OPHN1: variants seen among roughly 807,000 people sequenced by gnomAD.
The protein encoded by OPHN1 is oligophrenin 1.
OPHN1 carries 11 observed loss-of-function variants against 60.7 expected under a neutral mutation model. The ratio of observed to expected loss-of-function variants is 0.18; its 90% CI spans 0.11 to 0.30. OPHN1 has a LOEUF of 0.30. OPHN1 is among the 10% of genes least tolerant of loss of function. The probability of loss-of-function intolerance (pLI) is 1.00; values close to 1 mark genes in which losing one functional copy is unlikely to be tolerated. For synonymous variants in OPHN1, 226 were observed against 222.6 expected (o/e 1.02, Z -0.14); for missense variants, 449 against 611.0 (o/e 0.73, Z 2.80).
At chrX:68,147,823 A>G (rs901124941) in intron 15 of OPHN1, among the ~76,000 whole-genome samples, 1 of 111,737 alleles carries the variant, frequency 8.9e-6, no homozygotes, top group Non-Finnish European at 1.9e-5. Flanking sequence ...TTTAACATCA[A>G]TTTGATTAAG....
chrX:68,229,178 G>T (rs1474162537), intron 6 of OPHN1, among the ~76,000 whole-genome samples: 7 of 111,172 alleles, frequency 6.3e-5, no homozygotes, highest in East Asian at 2.8e-4. Context: ...TCAAAGAGAA[G>T]AAAATACCTA....
At chrX:68,161,091 A>G (rs940654351) in intron 15 of OPHN1, among the ~76,000 whole-genome samples, 1 of 111,072 alleles carries the variant, frequency 9.0e-6, no homozygotes, top group African/African-American at 3.3e-5. Flanking sequence ...CTTACAGAAG[A>G]TCAAAAAGAT....
intron 15 of OPHN1, among the ~76,000 whole-genome samples, chrX:68,168,835 C>T (rs1172714768): frequency 9.0e-6 from 1 of 110,967 alleles, no homozygotes; most frequent in African/African-American, 3.3e-5. Flanking sequence ...ACCACCAATC[C>T]CACAGAAATA....
At chrX:68,180,961 T>C (rs979104071) in intron 15 of OPHN1, among the ~76,000 whole-genome samples, 1 of 111,183 alleles carries the variant, frequency 9.0e-6, no homozygotes, top group Non-Finnish European at 1.9e-5. Flanking sequence ...GAAAAAAATA[T>C]ATCACAAACT....
chrX:68,279,956 A>G lies in OPHN1; in HGVS notation c.312+3100T>C, dbSNP rs887608423. On this transcript the variant is annotated intron_variant, in intron 4 of 24. Transcript: ENST00000355520. ...ATTGGGTAAATAAAAGAGATGGAGA[A>G]ACAACTAGGGCTAAAGAGAAGTACA... Among the ~76,000 whole-genome samples the G allele has an allele frequency of 2.7e-5, 3 of 111,999 alleles. No homozygotes were observed. The South Asian group carries it at 1.1e-3, about 42-fold the overall frequency.
intron 2 of OPHN1, among the ~76,000 whole-genome samples, chrX:68,382,110 G>A (rs1003889939): frequency 6.3e-5 from 7 of 111,502 alleles, no homozygotes; most frequent in Admixed American, 2.9e-4. Context: ...CATTTTGGGA[G>A]GCCAAGGCAG....
At chrX:68,424,642 G>C (rs1457853088) in intron 2 of OPHN1, among the ~76,000 whole-genome samples, 1 of 111,881 alleles carries the variant, frequency 8.9e-6, no homozygotes, top group African/African-American at 3.2e-5. Flanking sequence ...CTATAAAAAT[G>C]AGGCTGAAAG....
intron 5 of OPHN1, among the ~76,000 whole-genome samples, chrX:68,265,859 G>C (rs2077922206): frequency 9.0e-6 from 1 of 111,578 alleles, no homozygotes; most frequent in African/African-American, 3.3e-5. Context: ...GAAAGTCAAG[G>C]CACAAGAACT....
chrX:68,194,836 C>T (rs755874612), intron 12 of OPHN1, among the ~76,000 whole-genome samples: 4 of 109,289 alleles, frequency 3.7e-5, no homozygotes, highest in East Asian at 2.9e-4. Context: ...GGCATGGTGG[C>T]GTGCACCTGT....
intron 2 of OPHN1, among the ~76,000 whole-genome samples, chrX:68,424,099 G>A (rs779605510): frequency 5.6e-4 from 62 of 110,409 alleles, no homozygotes; most frequent in South Asian, 3.1e-3. Context: ...CCCAGGAGGC[G>A]GAGGTTGCAG....
chrX:68,308,779 A>G (rs978124233), intron 2 of OPHN1, among the ~76,000 whole-genome samples: 5 of 109,616 alleles, frequency 4.6e-5, no homozygotes, highest in Admixed American at 3.9e-4. Flanking sequence ...TGGTTCTCGC[A>G]CTTGTTTTTT....
intron 19 of OPHN1, among the ~76,000 whole-genome samples, chrX:68,083,630 C>T (rs1221388998): frequency 2.7e-5 from 3 of 112,491 alleles, no homozygotes; most frequent in Non-Finnish European, 5.6e-5. Flanking sequence ...TACAACTTGG[C>T]TAACTGTTTG....
At chrX:68,264,500 GA>G (rs1458976268) in intron 5 of OPHN1, among the ~76,000 whole-genome samples, 2 of 112,210 alleles carry the variant, frequency 1.8e-5, no homozygotes, top group African/African-American at 6.5e-5. Context: ...AAAGACACAT[GA>G]AAAAATGCTC....
rs1164737617 is a variant in OPHN1 at position 68,042,935 on chromosome X, G to A, written c.*4237C>T. The A allele has an allele frequency of 4.7e-4, 5 of 10,639 alleles. No homozygotes were observed. The highest frequency in any genetic ancestry group is 2.2e-3 in the African/African-American group (5 of 2,274). 0.9% of individuals were successfully genotyped at this position (10,639 alleles called of 1,213,427 possible). A position where few individuals can be genotyped will look rare whatever the true frequency, so the allele number is the denominator to read the frequency against. The stretch of plus-strand genomic sequence containing the variant: ...ACACATGCACACGTATGTTTATTGC[G>A]GCACTATTCACAATAGCAAAGACTT... On this transcript the variant is annotated 3_prime_UTR_variant, in exon 25 of 25. Coordinates refer to ENST00000355520, the MANE Select transcript of OPHN1 (RefSeq NM_002547.3).
chrX:68,394,117 G>A (rs1324077610), intron 2 of OPHN1, among the ~76,000 whole-genome samples: 5 of 108,688 alleles, frequency 4.6e-5, no homozygotes, highest in Non-Finnish European at 9.6e-5. Flanking sequence ...GGATGGTCTC[G>A]ATCTCCTGAC....
At chrX:68,269,397 C>T (rs1034367432) in intron 5 of OPHN1, among the ~76,000 whole-genome samples, 3 of 111,126 alleles carry the variant, frequency 2.7e-5, no homozygotes, top group Non-Finnish European at 3.8e-5. Context: ...GAGATATAGA[C>T]CAATGGAACA....
chrX:68,196,691 T>C (rs973326632), intron 12 of OPHN1, among the ~76,000 whole-genome samples: 1 of 112,125 alleles, frequency 8.9e-6, no homozygotes, highest in East Asian at 2.8e-4. Flanking sequence ...AGGATGGCAA[T>C]GCCATCTCCG....
chrX:68,384,442 G>A (rs142917956), intron 2 of OPHN1, among the ~76,000 whole-genome samples: 46 of 112,057 alleles, frequency 4.1e-4, no homozygotes, highest in Non-Finnish European at 7.9e-4. Flanking sequence ...TCTTTTGGCC[G>A]GGCACCGTGG....
intron 2 of OPHN1, among the ~76,000 whole-genome samples, chrX:68,335,639 T>A (rs1697517760): frequency 8.9e-6 from 1 of 111,996 alleles, no homozygotes; most frequent in South Asian, 3.7e-4. Context: ...TGGTTTATTA[T>A]CAGAATTTGC....
Sources: gnomAD v4.1 joint callset for allele counts (sites outside exome capture counted in the v4.1 genomes callset) on GRCh38, gnomAD v4.1.1 for gene constraint, MANE v1.5 for transcripts, NCBI Gene and HGNC (gene_info 2026-07-23, HGNC 2026-07-21) for gene names.